FGF13: variants seen among roughly 807,000 people sequenced by gnomAD.
FGF13 encodes the protein fibroblast growth factor 13.
Under a neutral mutation model 19.5 loss-of-function variants are expected in FGF13, and 2 were observed. The ratio of observed to expected loss-of-function variants is 0.10; its 90% CI spans 0.04 to 0.32. The LOEUF is 0.32. Among genes scored for constraint, FGF13 ranks in the 10% least tolerant of loss-of-function variants. The pLI, the probability that FGF13 is intolerant of heterozygous loss-of-function variation, is 1.00. For missense variants in FGF13, 113 were observed against 192.7 expected (o/e 0.59, Z 2.45); for synonymous variants, 72 against 76.9 (o/e 0.94, Z 0.33).
intron 1 of FGF13, among the ~76,000 whole-genome samples, chrX:139,099,377 C>CAAAAAAAAAAAAAAAAAA (rs59882808): frequency 7.0e-4 from 23 of 32,863 alleles, no homozygotes; most frequent in East Asian, 9.0e-4. Context: ...GTTTCTATCT[C>CAAAAAAAAAAAAAAAAAA]AAAAAAAAAA....
chrX:139,017,425 T>G (rs1198840547), intron 1 of FGF13, among the ~76,000 whole-genome samples: 1 of 109,033 alleles, frequency 9.2e-6, no homozygotes, highest in Non-Finnish European at 1.9e-5. Context: ...CACGAGTGTG[T>G]GTAAATACAC....
chrX:138,617,327 C>CA lies in FGF13; in HGVS notation c.*15522dup, dbSNP rs1016275150. ...GATGTCTGTAACTTATTTTGAAATG[C>CA]AAAAAAATAATTATTTTATAGATAA... On this transcript the variant is annotated 3_prime_UTR_variant, in exon 5 of 5. Transcript: ENST00000315930. The CA allele has an allele frequency of 1.8e-5, 2 of 110,617 alleles. No homozygotes were observed. Among genetic ancestry groups the CA allele is most frequent in the East Asian group, 2.8e-4 (1 of 3,528 alleles). 9.1% of individuals were successfully genotyped at this position (110,617 alleles called of 1,213,427 possible).
intron 3 of FGF13, among the ~76,000 whole-genome samples, chrX:138,636,428 G>C (rs1248700495): frequency 9.0e-6 from 1 of 111,404 alleles, no homozygotes; most frequent in Non-Finnish European, 1.9e-5. Context: ...TCAAATGAAG[G>C]GCTCCTGCCC....
intron 1 of FGF13, among the ~76,000 whole-genome samples, chrX:139,126,878 T>C (rs2083720345): frequency 9.0e-6 from 1 of 111,698 alleles, no homozygotes; most frequent in Non-Finnish European, 1.9e-5. Context: ...CCCAGTCCAC[T>C]GGGTCCTCTT....
At chrX:139,100,964 G>A (rs759239800) in intron 1 of FGF13, among the ~76,000 whole-genome samples, 6 of 111,459 alleles carry the variant, frequency 5.4e-5, no homozygotes, top group Non-Finnish European at 9.4e-5. Flanking sequence ...AAAGGCAGTT[G>A]CTATGGCTTA....
Position 138,619,502 on chromosome X carries a change from AG to A in FGF13, c.*13347del, listed in dbSNP as rs1302054939. The A allele has an allele frequency of 9.0e-6, 1 of 111,605 alleles. No individual in the cohort carries two copies. The highest frequency in any genetic ancestry group is 2.8e-4 in the East Asian group (1 of 3,571). 9.2% of individuals were successfully genotyped at this position (111,605 alleles called of 1,213,427 possible). A position where few individuals can be genotyped will look rare whatever the true frequency, so the allele number is the denominator to read the frequency against. ...AACTTCAAGTATAATATAAAAAGAAAGAAAGACAGAAACTATCACAGTGAAC... is the reference window on the plus strand; with the variant it reads ...AACTTCAAGTATAATATAAAAAGAAAAAAGACAGAAACTATCACAGTGAAC... On this transcript the variant is annotated 3_prime_UTR_variant, in exon 5 of 5. Transcript: ENST00000315930.
At chrX:139,064,656 G>T (rs1318047239) in intron 1 of FGF13, among the ~76,000 whole-genome samples, 1 of 110,973 alleles carries the variant, frequency 9.0e-6, no homozygotes, top group Non-Finnish European at 1.9e-5. Context: ...GTGTCTTGGG[G>T]TTGCTCTTCT....
chrX:139,119,181 A>G (rs5976277), intron 1 of FGF13, among the ~76,000 whole-genome samples: 25,798 of 111,221 alleles, frequency 0.23, 3,162 homozygotes, highest in African/African-American at 0.47. Flanking sequence ...ACAACAGAGC[A>G]AGACTCTGTC....
In FGF13 at chrX:138,947,931, G is replaced by A. The variant is rs2091790235; in HGVS notation, c.-112-83281C>T. The stretch of plus-strand genomic sequence containing the variant: ...GAAACAGATAAATATGTGCACAGAG[G>A]AAAGACCATGTGAAGACAAAGGAAG... On this transcript the variant is annotated intron_variant, in intron 1 of 2. Transcript: ENST00000421460. Among the ~76,000 whole-genome samples the A allele has an allele frequency of 3.6e-5, 4 of 111,406 alleles. No individual in the cohort carries two copies. In the South Asian group the frequency reaches 1.5e-3, roughly 42 times the overall value.
At chrX:138,726,690 G>T (rs755755210) in intron 1 of FGF13, among the ~76,000 whole-genome samples, 79 of 112,050 alleles carry the variant, frequency 7.1e-4, no homozygotes, top group African/African-American at 2.5e-3. Context: ...CATCTCCTCA[G>T]CTTGCCCTAC....
chrX:139,017,095 T>TAC (rs1556336277), intron 1 of FGF13, among the ~76,000 whole-genome samples: 8 of 107,284 alleles, frequency 7.5e-5, no homozygotes, highest in South Asian at 4.1e-4. Flanking sequence ...TATATATATA[T>TAC]ACACACACAC....
At chrX:138,641,182 CAGAA>C (rs1182257841) in intron 3 of FGF13, among the ~76,000 whole-genome samples, 2 of 112,299 alleles carry the variant, frequency 1.8e-5, no homozygotes, top group Non-Finnish European at 3.8e-5. Flanking sequence ...CCATAGAACA[CAGAA>C]AGAAAAACAG....
chrX:139,058,871 C>T (rs950333980), intron 1 of FGF13, among the ~76,000 whole-genome samples: 2 of 111,317 alleles, frequency 1.8e-5, no homozygotes, highest in African/African-American at 3.3e-5. Context: ...TTACCACCTA[C>T]GTATGGTGAC....
chrX:138,960,135 G>A (rs1309187639), intron 1 of FGF13, among the ~76,000 whole-genome samples: 6 of 111,664 alleles, frequency 5.4e-5, no homozygotes, highest in Admixed American at 9.5e-5. Context: ...TTTACAATTC[G>A]GCATGTTTTT....
At chrX:138,998,916 A>C (rs1445826586) in intron 1 of FGF13, among the ~76,000 whole-genome samples, 7 of 112,270 alleles carry the variant, frequency 6.2e-5, no homozygotes, top group Non-Finnish European at 1.3e-4. Context: ...TTATTCCAAA[A>C]TTGATCACAT....
chrX:138,821,358 T>C (rs144889251), intron 3 of FGF13, among the ~76,000 whole-genome samples: 93 of 112,053 alleles, frequency 8.3e-4, no homozygotes, highest in African/African-American at 2.7e-3. Context: ...TTTATTTCGA[T>C]ACAAAAACCT....
At chrX:138,774,726 G>A (rs1378200872) in intron 3 of FGF13, among the ~76,000 whole-genome samples, 1 of 111,503 alleles carries the variant, frequency 9.0e-6, no homozygotes, top group Non-Finnish European at 1.9e-5. Context: ...TGTATTATTT[G>A]TCCCTGTATC....
intron 1 of FGF13, among the ~76,000 whole-genome samples, chrX:139,114,579 G>A: frequency 9.0e-6 from 1 of 111,439 alleles, no homozygotes. Context: ...ACTTCTCTGA[G>A]CCTGTTTCCT....
At chrX:138,768,033 G>A (rs1196752651) in intron 3 of FGF13, among the ~76,000 whole-genome samples, 1 of 111,737 alleles carries the variant, frequency 8.9e-6, no homozygotes, top group Non-Finnish European at 1.9e-5. Flanking sequence ...AGCCCCGAAG[G>A]GACTGCAAAG....
Sources: allele counts gnomAD v4.1 joint callset (sites outside exome capture counted in the v4.1 genomes callset), GRCh38; gene constraint gnomAD v4.1.1; transcripts MANE v1.5; gene names NCBI Gene and HGNC (gene_info 2026-07-23, HGNC 2026-07-21).